TMEM114: variants seen among roughly 807,000 people sequenced by gnomAD.
TMEM114 encodes transmembrane protein 114.
In TMEM114, 6 loss-of-function variants were observed where a neutral mutation model predicts 6.2. The ratio of observed to expected loss-of-function variants is 0.97; its 90% CI spans 0.53 to 1.91. TMEM114 has a LOEUF of 1.91. Ranked by LOEUF, TMEM114 falls within the 40% of genes most tolerant of loss-of-function variation. TMEM114 has a pLI of 0.01. For missense variants in TMEM114, 218 were observed against 158.3 expected, an observed-to-expected ratio of 1.38 and a Z score of -2.02; for synonymous variants, 104 against 73.0, an observed-to-expected ratio of 1.42 and a Z score of -2.16.
At chr16:8,589,099 G>T (rs1902403739) in intron 2 of TMEM114, 114 bp downstream of exon 2, 1 of 395,454 alleles carries the variant, frequency 2.5e-6, no homozygotes, top group Non-Finnish European at 4.5e-6. Context: ...GCTGTCAGAG[G>T]CCACCCCAGC....
At chr16:8,534,931 C>T (rs1478863510), downstream of TMEM114, among the ~76,000 whole-genome samples, 2 of 152,210 alleles carry the variant, frequency 1.3e-5, no homozygotes, top group Non-Finnish European at 1.5e-5. Context: ...ACTTAGGTCC[C>T]TGTGCAAGTT....
chr16:8,552,301 T>C (rs1411575864), intron 2 of TMEM114, among the ~76,000 whole-genome samples: 4 of 152,034 alleles, frequency 2.6e-5, no homozygotes, highest in Non-Finnish European at 5.9e-5. Context: ...GGAGCATCAC[T>C]TGAACCCAGG....
At chr16:8,550,487 T>A (rs1397940789) in intron 2 of TMEM114, among the ~76,000 whole-genome samples, 1 of 152,086 alleles carries the variant, frequency 6.6e-6, no homozygotes, top group Admixed American at 6.6e-5. Flanking sequence ...GAGAGCAGCC[T>A]GACCAACATG....
the TMEM114 span, among the ~76,000 whole-genome samples, chr16:8,531,113 AT>A: frequency 6.6e-6 from 1 of 152,194 alleles, no homozygotes; most frequent in East Asian, 1.9e-4. Flanking sequence ...AAACTTTCTA[AT>A]GCATTAAGCA....
rs1596313452 is a variant in TMEM114, at chr16:8,581,059, T to C, written c.301+8154A>G. ...CATCCACAGCACCCCACAATCATAA[T>C]TGGCAGTATATTTGTCTATCTTAAT... is the stretch of plus-strand genomic sequence containing the variant. On this transcript the variant is annotated intron_variant, in intron 2 of 3. Transcript: ENST00000620492. Among the ~76,000 whole-genome samples the C allele has an allele frequency of 2.0e-5, 3 of 152,204 alleles. No individual in the cohort carries two copies. In the East Asian group the frequency reaches 5.8e-4, roughly 29 times the overall value.
intron 2 of TMEM114, among the ~76,000 whole-genome samples, chr16:8,553,350 G>A (rs905751728): frequency 1.3e-5 from 2 of 152,316 alleles, no homozygotes; most frequent in South Asian, 2.1e-4. Context: ...TCAGGAGAAC[G>A]AAAATAGCTG....
the TMEM114 span, among the ~76,000 whole-genome samples, chr16:8,529,544 T>G: frequency 6.6e-6 from 1 of 151,836 alleles, no homozygotes; most frequent in Non-Finnish European, 1.5e-5. Context: ...GTTGTTTGTT[T>G]AAATGCTGAT....
At chr16:8,589,081 C>T in intron 2 of TMEM114, 132 bp downstream of exon 2, 2 of 395,432 alleles carry the variant, frequency 5.1e-6, no homozygotes, top group Non-Finnish European at 8.9e-6. Context: ...ACTCCATTCT[C>T]AGGCTGGGCT....
At chr16:8,570,544 C>A (rs1185261800) in intron 3 of TMEM114, among the ~76,000 whole-genome samples, 1 of 152,164 alleles carries the variant, frequency 6.6e-6, no homozygotes. Flanking sequence ...ATTGGCCAGA[C>A]TGGTCTCAAA....
intron 2 of TMEM114, among the ~76,000 whole-genome samples, chr16:8,541,941 A>G (rs1362994934): frequency 2.6e-5 from 4 of 152,190 alleles, no homozygotes; most frequent in African/African-American, 9.7e-5. Context: ...AAGGGCTTAG[A>G]GAGATGTAGC....
intron 2 of TMEM114, among the ~76,000 whole-genome samples, chr16:8,539,291 G>A (rs1191849521): frequency 1.3e-5 from 2 of 152,092 alleles, no homozygotes; most frequent in African/African-American, 2.4e-5. Context: ...CAAGATTCGG[G>A]AGTCCTTTTC....
At chr16:8,526,943 C>T in the TMEM114 span, among the ~76,000 whole-genome samples, 4 of 152,184 alleles carry the variant, frequency 2.6e-5, no homozygotes, top group African/African-American at 7.2e-5. Flanking sequence ...CACGGTGGCT[C>T]GTGCCTGTAA....
At chr16:8,542,149 G>GT (rs1192803966) in intron 2 of TMEM114, among the ~76,000 whole-genome samples, 2 of 151,790 alleles carry the variant, frequency 1.3e-5, no homozygotes, top group Non-Finnish European at 2.9e-5. Context: ...TCGTGGGGGG[G>GT]GGTCCCTTGA....
chr16:8,543,977 T>A lies in TMEM114; in HGVS notation n.213-6151A>T, dbSNP rs188326309. ...GTGATTCATTGGTCAAACTGGCTTA[T>A]GTAATCCAATATTTTCCTTTTTGCC... On this transcript the variant is annotated intron_variant and non_coding_transcript_variant, in intron 2 of 2. Coordinates refer to the TMEM114 transcript ENST00000623677. Among the ~76,000 whole-genome samples the A allele has an allele frequency of 6.6e-5, 10 of 152,358 alleles. No homozygotes were observed. In the East Asian group the frequency reaches 1.5e-3, roughly 24 times the overall value.
intron 2 of TMEM114, among the ~76,000 whole-genome samples, chr16:8,559,081 C>A (rs528358363): frequency 6.6e-6 from 1 of 151,794 alleles, no homozygotes; most frequent in Non-Finnish European, 1.5e-5. Context: ...TTTGCTGTGT[C>A]ACCCAGGCTG....
At chr16:8,574,246 C>A (rs908721875) in intron 2 of TMEM114, among the ~76,000 whole-genome samples, 2 of 152,108 alleles carry the variant, frequency 1.3e-5, no homozygotes, top group Admixed American at 6.5e-5. Context: ...TAAAAGTATA[C>A]GGCTCACAGA....
At chr16:8,545,909 GT>G (rs1900652210) in intron 2 of TMEM114, among the ~76,000 whole-genome samples, 1 of 152,146 alleles carries the variant, frequency 6.6e-6, no homozygotes. Flanking sequence ...GAGCCCAAGA[GT>G]TTGAAACCAG....
At chr16:8,549,698 T>C (rs1900783711) in intron 2 of TMEM114, among the ~76,000 whole-genome samples, 1 of 151,994 alleles carries the variant, frequency 6.6e-6, no homozygotes, top group Non-Finnish European at 1.5e-5. Context: ...GTATGCGGGG[T>C]TCTGTGTCTG....
At chr16:8,568,434 T>C (rs575407351), downstream of TMEM114, among the ~76,000 whole-genome samples, 4 of 152,102 alleles carry the variant, frequency 2.6e-5, no homozygotes, top group South Asian at 6.3e-4. Flanking sequence ...GTTGTGGTGG[T>C]GATGTCATGG....
Sources: gnomAD v4.1 joint callset for allele counts (sites outside exome capture counted in the v4.1 genomes callset) on GRCh38, gnomAD v4.1.1 for gene constraint, MANE v1.5 for transcripts, NCBI Gene and HGNC (gene_info 2026-07-23, HGNC 2026-07-21) for gene names.